The following DLGAP1 variants were observed in gnomAD, a reference collection of about 807,000 sequenced individuals.
The protein encoded by DLGAP1 is DLG associated protein 1.
Under a neutral mutation model 90.8 loss-of-function variants are expected in DLGAP1, and 11 were observed. That is an observed-to-expected ratio of 0.12 (90% confidence interval 0.08 to 0.20). The LOEUF is 0.20. Ranked by LOEUF, DLGAP1 falls within the 10% of genes least tolerant of loss-of-function variation. The probability of loss-of-function intolerance (pLI) is 1.00; values close to 1 mark genes in which losing one functional copy is unlikely to be tolerated. For missense variants in DLGAP1, 1,050 were observed against 1,333.8 expected (o/e 0.79, Z 3.31); for synonymous variants, 558 against 540.7 (o/e 1.03, Z -0.44).
chr18:3,632,712 T>C (rs551454372), intron 7 of DLGAP1, among the ~76,000 whole-genome samples: 9 of 152,338 alleles, frequency 5.9e-5, no homozygotes, highest in Admixed American at 3.9e-4. Flanking sequence ...ATTACTTTCC[T>C]TGGGAGCTTA....
chr18:4,366,631 C>T (rs1469431625), intron 1 of DLGAP1, among the ~76,000 whole-genome samples: 2 of 151,038 alleles, frequency 1.3e-5, no homozygotes, highest in Admixed American at 6.6e-5. Context: ...TTTAAAAAAA[C>T]GCTGAGAAAC....
chr18:3,836,547 T>A (rs1469422106), intron 4 of DLGAP1, among the ~76,000 whole-genome samples: 1 of 152,204 alleles, frequency 6.6e-6, no homozygotes, highest in Non-Finnish European at 1.5e-5. Flanking sequence ...GGATGAGATT[T>A]GTCCACTGAG....
intron 2 of DLGAP1, among the ~76,000 whole-genome samples, chr18:4,070,675 C>G (rs570868053): frequency 6.6e-6 from 1 of 151,480 alleles, no homozygotes; most frequent in Non-Finnish European, 1.5e-5. Context: ...TGGCAAGGAG[C>G]CTTAAACAGG....
chr18:4,384,259 TCTG>T (rs1409786197), intron 1 of DLGAP1, among the ~76,000 whole-genome samples: 2 of 152,170 alleles, frequency 1.3e-5, no homozygotes, highest in Non-Finnish European at 2.9e-5. Flanking sequence ...ACACACTAAG[TCTG>T]ATTTCGAAAG....
intron 3 of DLGAP1, among the ~76,000 whole-genome samples, chr18:4,002,395 G>A (rs1001889550): frequency 6.6e-6 from 1 of 151,932 alleles, no homozygotes; most frequent in African/African-American, 2.4e-5. Context: ...GCCTCTCCCC[G>A]GCTGCTGCCA....
At chr18:4,165,854 C>T (rs889115148) in intron 1 of DLGAP1, among the ~76,000 whole-genome samples, 1 of 152,034 alleles carries the variant, frequency 6.6e-6, no homozygotes, top group African/African-American at 2.4e-5. Context: ...GACTAATATC[C>T]AAAATACAGA....
At chr18:4,081,606 C>G (rs2075609524) in intron 2 of DLGAP1, among the ~76,000 whole-genome samples, 1 of 152,184 alleles carries the variant, frequency 6.6e-6, no homozygotes, top group Non-Finnish European at 1.5e-5. Flanking sequence ...TAGTCCAGAC[C>G]TGCCAAAGAA....
chr18:4,309,460 G>A (rs1044891207), intron 1 of DLGAP1, among the ~76,000 whole-genome samples: 2 of 152,082 alleles, frequency 1.3e-5, no homozygotes, highest in African/African-American at 4.8e-5. Context: ...GAAGGAGGGG[G>A]CATGGATGAG....
At chr18:3,818,192 G>A (rs1429950473) in intron 4 of DLGAP1, among the ~76,000 whole-genome samples, 1 of 152,168 alleles carries the variant, frequency 6.6e-6, no homozygotes, top group Non-Finnish European at 1.5e-5. Flanking sequence ...GAAACAAAAT[G>A]AGGATTAGTG....
intron 11 of DLGAP1, among the ~76,000 whole-genome samples, chr18:3,506,517 A>T (rs1309272731): frequency 6.8e-6 from 1 of 146,266 alleles, no homozygotes; most frequent in African/African-American, 2.6e-5. Context: ...CCGTCTCAAA[A>T]AAAAAAAAAA....
At chr18:4,088,356 A>G (rs1366732341) in intron 2 of DLGAP1, among the ~76,000 whole-genome samples, 1 of 152,178 alleles carries the variant, frequency 6.6e-6, no homozygotes, top group African/African-American at 2.4e-5. Flanking sequence ...TTTCCTTTAG[A>G]CAGTCAACTA....
chr18:4,266,533 C>T (rs1277615584), intron 1 of DLGAP1, among the ~76,000 whole-genome samples: 1 of 152,164 alleles, frequency 6.6e-6, no homozygotes, highest in Non-Finnish European at 1.5e-5. Flanking sequence ...CTTTATTTGT[C>T]TGTTCACTTT....
chr18:3,874,746 C>T (rs572098058), intron 4 of DLGAP1: 27 of 1,511,758 alleles, frequency 1.8e-5, no homozygotes, highest in African/African-American at 8.3e-5. Flanking sequence ...TCACTGGCAG[C>T]GGTACAATAG....
chr18:4,293,615 T>C (rs1201108725), intron 1 of DLGAP1: 1 of 150,558 alleles, frequency 6.6e-6, no homozygotes. Flanking sequence ...GACCATTTGG[T>C]ATTTGTAAAG....
At chr18:3,968,993 A>G (rs1599239158) in intron 3 of DLGAP1, among the ~76,000 whole-genome samples, 1 of 152,284 alleles carries the variant, frequency 6.6e-6, no homozygotes, top group East Asian at 1.9e-4. Context: ...GCAGGTGGCA[A>G]GAGACCAGCG....
At chr18:3,978,143 G>T in intron 3 of DLGAP1, 1 of 452,138 alleles carries the variant, frequency 2.2e-6, no homozygotes, top group South Asian at 1.6e-5. Context: ...TGTCATGGAT[G>T]ACCTTGGCTG....
chr18:3,566,236 A>G (rs993409695), intron 9 of DLGAP1, among the ~76,000 whole-genome samples: 8 of 152,114 alleles, frequency 5.3e-5, no homozygotes, highest in Non-Finnish European at 8.8e-5. Context: ...TTTTGGGTCA[A>G]TTGGTACGGA....
chr18:3,699,443 C>G (rs1207406145), intron 7 of DLGAP1, among the ~76,000 whole-genome samples: 2 of 152,166 alleles, frequency 1.3e-5, no homozygotes, highest in African/African-American at 4.8e-5. Context: ...CGCTCCAGAT[C>G]CTGTTGCCTG....
chr18:4,114,257 G>A (rs2076024445), intron 2 of DLGAP1, among the ~76,000 whole-genome samples: 1 of 152,044 alleles, frequency 6.6e-6, no homozygotes, highest in Admixed American at 6.5e-5. Flanking sequence ...CCATTTGCTT[G>A]TGACATCTGT....
Sources: gnomAD v4.1 joint callset for allele counts (sites outside exome capture counted in the v4.1 genomes callset) on GRCh38, gnomAD v4.1.1 for gene constraint, MANE v1.5 for transcripts, NCBI Gene and HGNC (gene_info 2026-07-23, HGNC 2026-07-21) for gene names.